The following MAPK10 variants were observed in gnomAD, a reference collection of about 807,000 sequenced individuals.
The protein encoded by MAPK10 is mitogen-activated protein kinase 10.
In MAPK10, 25 loss-of-function variants were observed where a neutral mutation model predicts 59.3. The observed-to-expected ratio is 0.42, with a 90% confidence interval of 0.31 to 0.59. MAPK10 has a LOEUF of 0.59. MAPK10 is among the 20% of genes least tolerant of loss of function. MAPK10 has a pLI of 0.15. For synonymous variants in MAPK10, 190 were observed against 200.5 expected, an observed-to-expected ratio of 0.95 and a Z score of 0.44; for missense variants, 351 against 568.9, an observed-to-expected ratio of 0.62 and a Z score of 3.90.
chr4:86,029,707 T>C (rs1412498778), intron 12 of MAPK10, among the ~76,000 whole-genome samples: 1 of 152,198 alleles, frequency 6.6e-6, no homozygotes, highest in African/African-American at 2.4e-5. Context: ...ACAATTTTTA[T>C]GGCTTTGAAC....
At chr4:86,566,290 T>C (rs1306786940) in intron 1 of MAPK10, among the ~76,000 whole-genome samples, 1 of 152,218 alleles carries the variant, frequency 6.6e-6, no homozygotes, top group Non-Finnish European at 1.5e-5. Context: ...GATAATAATG[T>C]TGGTGTGATG....
At chr4:86,312,607 G>T (rs2095692348) in intron 2 of MAPK10, among the ~76,000 whole-genome samples, 1 of 152,048 alleles carries the variant, frequency 6.6e-6, no homozygotes, top group Non-Finnish European at 1.5e-5. Flanking sequence ...CAGAGTTAAT[G>T]ATTTAGATGA....
intron 1 of MAPK10, among the ~76,000 whole-genome samples, chr4:86,504,602 A>G (rs1390604372): frequency 6.6e-6 from 1 of 152,134 alleles, no homozygotes; most frequent in Non-Finnish European, 1.5e-5. Flanking sequence ...GCTCTAGCCA[A>G]ACGAAACCAC....
intron 1 of MAPK10, among the ~76,000 whole-genome samples, chr4:86,497,747 CA>C (rs1176447720): frequency 6.6e-6 from 1 of 152,074 alleles, no homozygotes; most frequent in Non-Finnish European, 1.5e-5. Flanking sequence ...TCGAGTGTAC[CA>C]AGCAAGCATC....
chr4:86,385,856 A>T (rs1047041800), intron 1 of MAPK10, among the ~76,000 whole-genome samples: 1 of 152,192 alleles, frequency 6.6e-6, no homozygotes, highest in African/African-American at 2.4e-5. Flanking sequence ...ATTGTGTCTA[A>T]TGTAAACAAA....
chr4:86,078,866 G>A (rs1424958024), intron 9 of MAPK10, among the ~76,000 whole-genome samples: 1 of 152,126 alleles, frequency 6.6e-6, no homozygotes, highest in South Asian at 2.1e-4. Flanking sequence ...GCACATGCCT[G>A]TAATCCCAGC....
chr4:86,422,341 C>T (rs1454396409), intron 1 of MAPK10, among the ~76,000 whole-genome samples: 4 of 152,144 alleles, frequency 2.6e-5, no homozygotes, highest in Non-Finnish European at 5.9e-5. Flanking sequence ...AGAGTACTTG[C>T]ATTTTTAAGG....
chr4:86,026,036 C>G (rs548065600), intron 13 of MAPK10, among the ~76,000 whole-genome samples: 43 of 152,254 alleles, frequency 2.8e-4, no homozygotes, highest in Middle Eastern at 3.4e-3. Context: ...ATTAGTGACC[C>G]TAAGACATAT....
intron 2 of MAPK10, among the ~76,000 whole-genome samples, chr4:86,221,718 G>C (rs542081217): frequency 1.3e-5 from 2 of 152,210 alleles, no homozygotes; most frequent in South Asian, 4.2e-4. Context: ...TCCCAGGCTG[G>C]TCTCGAACTC....
chr4:86,576,200 A>T (rs945714204), intron 1 of MAPK10, among the ~76,000 whole-genome samples: 1 of 152,144 alleles, frequency 6.6e-6, no homozygotes, highest in Non-Finnish European at 1.5e-5. Flanking sequence ...ATCCAGAAAG[A>T]GCTCCTGTAA....
chr4:86,207,849 G>T (rs1054635839), intron 2 of MAPK10, among the ~76,000 whole-genome samples: 1 of 151,976 alleles, frequency 6.6e-6, no homozygotes, highest in Non-Finnish European at 1.5e-5. Context: ...CTCTCTATTT[G>T]TCTGTTATTC....
chr4:86,423,515 G>T (rs992067158), intron 1 of MAPK10, among the ~76,000 whole-genome samples: 3 of 152,032 alleles, frequency 2.0e-5, no homozygotes, highest in African/African-American at 4.8e-5. Context: ...CAAATTCTGT[G>T]GTTGTCCTTA....
At chr4:86,235,967 C>A (rs1435832938) in intron 2 of MAPK10, among the ~76,000 whole-genome samples, 1 of 152,152 alleles carries the variant, frequency 6.6e-6, no homozygotes, top group Admixed American at 6.6e-5. Context: ...AAGGGGTTGG[C>A]AGGGATAGTT....
intron 2 of MAPK10, among the ~76,000 whole-genome samples, chr4:86,341,926 T>G (rs1564548873): frequency 6.6e-6 from 1 of 152,068 alleles, no homozygotes; most frequent in African/African-American, 2.4e-5. Flanking sequence ...TAGTACCATT[T>G]TACAGATGAG....
At chr4:86,564,844 C>T (rs190399709) in intron 1 of MAPK10, among the ~76,000 whole-genome samples, 11 of 152,174 alleles carry the variant, frequency 7.2e-5, no homozygotes, top group East Asian at 1.9e-4. Flanking sequence ...TGGAGAGTAA[C>T]GCAATAGAGT....
chr4:86,067,485 C>T (rs567467583), intron 10 of MAPK10, among the ~76,000 whole-genome samples: 134 of 152,214 alleles, frequency 8.8e-4, no homozygotes, highest in Non-Finnish European at 1.6e-3. Flanking sequence ...GGCTACTCCC[C>T]TTTGTAGGAA....
chr4:86,307,472 G>T (rs2095590450), intron 2 of MAPK10, among the ~76,000 whole-genome samples: 1 of 152,180 alleles, frequency 6.6e-6, no homozygotes, highest in Non-Finnish European at 1.5e-5. Flanking sequence ...TTTAAGGGAA[G>T]TGCAAAGGGC....
intron 1 of MAPK10, among the ~76,000 whole-genome samples, chr4:86,529,131 T>C (rs1013321725): frequency 1.4e-4 from 22 of 152,248 alleles, no homozygotes; most frequent in Admixed American, 1.4e-3. Context: ...CTATGCTCTC[T>C]GCAGTTGATG....
Position 86,487,349 on chromosome 4 carries a change from A to AAGAG in MAPK10, c.-263+106557_-263+106560dup, listed in dbSNP as rs1201428336. 8.4e-4 allele frequency among the ~76,000 whole-genome samples: 73 copies of AAGAG among 87,410 alleles called. 1 individual carries two copies. The highest frequency in any genetic ancestry group is 4.1e-3 in the Admixed American group (29 of 7,048). 57.3% of individuals were successfully genotyped at this position (87,410 alleles called of 152,430 possible). ...GCAAGCTATCTAAAATAGTTCATAA[A>AAGAG]AGAGAGAGAGAGAGTGTGTGTGTGT... On this transcript the variant is annotated intron_variant, in intron 1 of 4. Transcript: ENST00000502302.
Sources: gnomAD v4.1 joint callset for allele counts (sites outside exome capture counted in the v4.1 genomes callset) on GRCh38, gnomAD v4.1.1 for gene constraint, MANE v1.5 for transcripts, NCBI Gene and HGNC (gene_info 2026-07-23, HGNC 2026-07-21) for gene names.